The following PHF21A variants were observed in gnomAD, a reference collection of about 807,000 sequenced individuals.
The protein encoded by PHF21A is PHD finger protein 21A, also known as BHC80a.
In PHF21A, 11 loss-of-function variants were observed where a neutral mutation model predicts 82.5. The observed-to-expected ratio is 0.13, with a 90% CI of 0.08 to 0.22. PHF21A has a LOEUF of 0.22. PHF21A is among the 10% of genes least tolerant of loss of function. The pLI is 1.00. For synonymous variants in PHF21A, 297 were observed against 302.8 expected (o/e 0.98, Z 0.20); for missense variants, 579 against 837.8 (o/e 0.69, Z 3.81).
chr11:46,082,448 G>A (rs1051985858), intron 4 of PHF21A, among the ~76,000 whole-genome samples: 2 of 152,104 alleles, frequency 1.3e-5, no homozygotes, highest in African/African-American at 4.8e-5. Flanking sequence ...TTCAAAAATA[G>A]TAAAGTATTA....
intron 16 of PHF21A, 109 bp from the exon 17 acceptor site, chr11:45,936,678 G>T: frequency 1.3e-6 from 1 of 767,450 alleles, no homozygotes; most frequent in Non-Finnish European, 2.3e-6. Flanking sequence ...ATCCAGGAAG[G>T]ATTTATGGTA....
chr11:46,018,914 C>T (rs1247069552), intron 6 of PHF21A, among the ~76,000 whole-genome samples: 2 of 152,094 alleles, frequency 1.3e-5, no homozygotes, highest in Admixed American at 6.5e-5. Context: ...CAATCCAATG[C>T]AAGACTTTTT....
At chr11:46,036,144 G>A (rs551401759) in intron 6 of PHF21A, among the ~76,000 whole-genome samples, 12 of 152,288 alleles carry the variant, frequency 7.9e-5, no homozygotes, top group Admixed American at 5.9e-4. Context: ...ACTGAATTTC[G>A]GAGATGAGTG....
chr11:46,092,145 G>A (rs898093121), intron 2 of PHF21A, 38 bp downstream of exon 2: 2 of 151,458 alleles, frequency 1.3e-5, no homozygotes, highest in African/African-American at 4.9e-5. Context: ...CTAGCATCAG[G>A]ATCAGGCACA....
intron 10 of PHF21A, among the ~76,000 whole-genome samples, chr11:45,955,424 G>T (rs1275271897): frequency 1.1e-4 from 17 of 152,120 alleles, no homozygotes; most frequent in Admixed American, 1.1e-3. Flanking sequence ...ATGTCTCTTT[G>T]AATAGGAAGG....
intron 10 of PHF21A, among the ~76,000 whole-genome samples, chr11:45,956,531 T>C (rs910100972): frequency 5.9e-5 from 9 of 152,070 alleles, no homozygotes; most frequent in Non-Finnish European, 1.2e-4. Context: ...CATGGATATA[T>C]TGCATGACGC....
chr11:45,936,369 T>C (rs1203312921), intron 17 of PHF21A, 125 bp downstream of exon 17: 9 of 610,902 alleles, frequency 1.5e-5, no homozygotes, highest in Non-Finnish European at 2.3e-5. Context: ...TTTCCTCCAA[T>C]AGTTAAGGGC....
chr11:45,936,623 C>T, intron 16 of PHF21A, 54 bp from the exon 17 acceptor site: 1 of 1,122,032 alleles, frequency 8.9e-7, no homozygotes, highest in Non-Finnish European at 1.4e-6. Flanking sequence ...CACACATCCT[C>T]TATGTAACAG....
At chr11:45,985,387 C>CT (rs1387155845) in intron 6 of PHF21A, among the ~76,000 whole-genome samples, 5 of 152,246 alleles carry the variant, frequency 3.3e-5, no homozygotes, top group Middle Eastern at 3.4e-3. Context: ...GAAACAGAAA[C>CT]TAAGTGAAGA....
intron 6 of PHF21A, among the ~76,000 whole-genome samples, chr11:46,042,951 A>G (rs1244581584): frequency 6.6e-6 from 1 of 152,134 alleles, no homozygotes; most frequent in African/African-American, 2.4e-5. Flanking sequence ...ATTTTGTTAT[A>G]GCAGCCTGAA....
intron 7 of PHF21A, among the ~76,000 whole-genome samples, chr11:45,978,226 A>G (rs1196266276): frequency 7.2e-5 from 11 of 152,166 alleles, no homozygotes; most frequent in African/African-American, 2.4e-5. Flanking sequence ...TTTGAACCCA[A>G]GACGGTGGAG....
chr11:46,017,064 A>G (rs1245263548), intron 6 of PHF21A, among the ~76,000 whole-genome samples: 2 of 151,860 alleles, frequency 1.3e-5, no homozygotes, highest in African/African-American at 4.8e-5. Context: ...TCTGCCTCCC[A>G]GGTTCCAGCG....
intron 6 of PHF21A, among the ~76,000 whole-genome samples, chr11:46,070,354 C>T (rs961311856): frequency 3.3e-5 from 5 of 149,570 alleles, no homozygotes; most frequent in African/African-American, 4.9e-5. Flanking sequence ...TTTTTTGAGA[C>T]GAGTCTCACT....
chr11:46,081,921 TG>T (rs2096797107), intron 4 of PHF21A, among the ~76,000 whole-genome samples: 1 of 152,236 alleles, frequency 6.6e-6, no homozygotes, highest in Non-Finnish European at 1.5e-5. Context: ...TTTTACTGTG[TG>T]TCCCTTTACA....
intron 6 of PHF21A, among the ~76,000 whole-genome samples, chr11:46,011,452 A>G (rs1359165328): frequency 6.6e-6 from 1 of 152,130 alleles, no homozygotes; most frequent in African/African-American, 2.4e-5. Context: ...AGATGGTGCC[A>G]CTGCACTCCA....
intron 6 of PHF21A, among the ~76,000 whole-genome samples, chr11:45,999,291 A>C (rs2095032971): frequency 6.6e-6 from 1 of 152,250 alleles, no homozygotes; most frequent in Admixed American, 6.5e-5. Flanking sequence ...AACTCAAGGA[A>C]ACTTTTTTGA....
intron 14 of PHF21A, 157 bp from the exon 15 acceptor site, chr11:45,946,160 GA>G: frequency 6.5e-7 from 1 of 1,530,046 alleles, no homozygotes; most frequent in Non-Finnish European, 9.0e-7. Flanking sequence ...CCAAAGGAAG[GA>G]AGAGAAGCAA....
Position 45,962,446 on chromosome 11 carries a change from T to G in PHF21A, c.996+2869A>C, listed in dbSNP as rs551078832. Among the ~76,000 whole-genome samples, 12 of 152,180 alleles carry G rather than the reference T, an allele frequency of 7.9e-5. No homozygotes were observed. The South Asian group carries it at 2.1e-3, about 26-fold the overall frequency. ...AAATATAAATAGAAAACAAGGATAG[T>G]TGAAAGATACGAAGTAAGAGAATCC... On this transcript the variant is annotated intron_variant, in intron 10 of 18. Coordinates refer to ENST00000676320, the MANE Select transcript of PHF21A (RefSeq NM_001352027.3).
At chr11:46,027,973 T>C (rs565924332) in intron 6 of PHF21A, among the ~76,000 whole-genome samples, 98 of 152,324 alleles carry the variant, frequency 6.4e-4, no homozygotes, top group Middle Eastern at 6.8e-3. Flanking sequence ...TATTTGTCAG[T>C]AAGGAATTCA....
Sources: allele counts gnomAD v4.1 joint callset (sites outside exome capture counted in the v4.1 genomes callset), GRCh38; gene constraint gnomAD v4.1.1; transcripts MANE v1.5; gene names NCBI Gene and HGNC (gene_info 2026-07-23, HGNC 2026-07-21).